ARL13B: variants seen among roughly 807,000 people sequenced by gnomAD.
ARL13B encodes ADP-ribosylation factor-like protein 13B.
Under a neutral mutation model 56.1 loss-of-function variants are expected in ARL13B, and 36 were observed. The ratio of observed to expected loss-of-function variants is 0.64; its 90% confidence interval spans 0.49 to 0.85. ARL13B has a LOEUF of 0.85. Among genes scored for constraint, ARL13B ranks in the 40% least tolerant of loss-of-function variants. The pLI is 0.00. For missense variants in ARL13B, 519 were observed against 507.1 expected (o/e 1.02, Z -0.23); for synonymous variants, 178 against 171.1 (o/e 1.04, Z -0.32).
intron 3 of ARL13B, among the ~76,000 whole-genome samples, chr3:94,006,671 A>C (rs62266153): frequency 0.012 from 1,881 of 152,328 alleles, 15 homozygotes; most frequent in Non-Finnish European, 0.022. Flanking sequence ...TGTTATGACC[A>C]GTGAAACAAT....
chr3:94,019,441 C>T (rs570841630), intron 3 of ARL13B, among the ~76,000 whole-genome samples: 1 of 152,162 alleles, frequency 6.6e-6, no homozygotes, highest in South Asian at 2.1e-4. Context: ...ATGATCCGCC[C>T]ATCTTGGCTT....
chr3:94,015,324 G>C, intron 3 of ARL13B: 2 of 1,452,842 alleles, frequency 1.4e-6, no homozygotes, highest in Non-Finnish European at 1.8e-6. Context: ...TAGAAATTTG[G>C]TATTTTTCCC....
At chr3:94,048,548 C>A (rs898127998) in intron 7 of ARL13B, among the ~76,000 whole-genome samples, 2 of 152,070 alleles carry the variant, frequency 1.3e-5, no homozygotes, top group African/African-American at 4.8e-5. Context: ...TTGTATTGGG[C>A]CTACCTTCTT....
At chr3:94,002,635 T>C (rs897475280) in intron 2 of ARL13B, among the ~76,000 whole-genome samples, 1 of 152,216 alleles carries the variant, frequency 6.6e-6, no homozygotes, top group Non-Finnish European at 1.5e-5. Flanking sequence ...AGTTCTCTTT[T>C]CTATTCCTTT....
At chr3:94,004,619 A>G (rs2076103710) in intron 3 of ARL13B, among the ~76,000 whole-genome samples, 1 of 151,318 alleles carries the variant, frequency 6.6e-6, no homozygotes, top group Non-Finnish European at 1.5e-5. Context: ...CTTGTGGTTC[A>G]TTATTAAGGA....
chr3:94,039,116 A>T (rs1320875000), intron 5 of ARL13B, among the ~76,000 whole-genome samples: 2 of 152,228 alleles, frequency 1.3e-5, no homozygotes, highest in African/African-American at 4.8e-5. Flanking sequence ...AAACATGTTT[A>T]TGCAGAAATA....
At chr3:94,029,440 C>T (rs1197599561) in intron 3 of ARL13B, among the ~76,000 whole-genome samples, 1 of 148,314 alleles carries the variant, frequency 6.7e-6, no homozygotes, top group African/African-American at 2.5e-5. Context: ...CTCCGTCTCC[C>T]GGGTTCAAGC....
rs759826893 is a variant in ARL13B, at chr3:93,980,387, G to A, written c.-37G>A. The A allele has an allele frequency of 6.2e-7, 1 of 1,609,562 alleles. No individual in the cohort carries two copies. The highest frequency in any genetic ancestry group is 8.5e-7 in the Non-Finnish European group (1 of 1,179,828). On this transcript the variant is annotated 5_prime_UTR_variant, in exon 1 of 10. Transcript: ENST00000394222. ...AGAGCGGGGTGCCGGTGTCCGCTCC[G>A]GGCTCGGATGGGAAGTGGTGGGAGG...
At chr3:94,046,493 G>A (rs1016246361) in intron 7 of ARL13B, among the ~76,000 whole-genome samples, 1 of 151,828 alleles carries the variant, frequency 6.6e-6, no homozygotes, top group Non-Finnish European at 1.5e-5. Flanking sequence ...CATCCATGTT[G>A]TAGCATGTAT....
At chr3:94,022,652 T>A (rs886214617) in intron 3 of ARL13B, among the ~76,000 whole-genome samples, 1 of 152,126 alleles carries the variant, frequency 6.6e-6, no homozygotes, top group African/African-American at 2.4e-5. Flanking sequence ...AATAATTTTT[T>A]AAATTATTTC....
At chr3:94,035,530 G>A (rs1356655520) in intron 4 of ARL13B, 94 bp downstream of exon 4, 3 of 836,864 alleles carry the variant, frequency 3.6e-6, no homozygotes, top group East Asian at 2.7e-5. Flanking sequence ...GCAATTAAAA[G>A]GCAATGTTTT....
At chr3:94,048,638 G>T (rs2107187902) in intron 7 of ARL13B, among the ~76,000 whole-genome samples, 1 of 151,734 alleles carries the variant, frequency 6.6e-6, no homozygotes, top group Non-Finnish European at 1.5e-5. Flanking sequence ...TGTCACCAAA[G>T]CTGGATGGCA....
chr3:94,038,382 A>G (rs1372401268), intron 5 of ARL13B, among the ~76,000 whole-genome samples: 1 of 151,720 alleles, frequency 6.6e-6, no homozygotes, highest in Non-Finnish European at 1.5e-5. Context: ...AAGGATATGT[A>G]TTTCCATCTA....
chr3:93,984,586 T>C (rs1369412730), intron 1 of ARL13B, among the ~76,000 whole-genome samples: 1 of 152,088 alleles, frequency 6.6e-6, no homozygotes, highest in Non-Finnish European at 1.5e-5. Context: ...TAACTTTCAT[T>C]AAAAACAAAT....
chr3:94,017,439 T>C (rs2107502019), intron 3 of ARL13B, among the ~76,000 whole-genome samples: 1 of 152,348 alleles, frequency 6.6e-6, no homozygotes, highest in East Asian at 1.9e-4. Context: ...CAAGATGTTC[T>C]GGAATGATGA....
intron 2 of ARL13B, among the ~76,000 whole-genome samples, chr3:94,003,366 A>G (rs2076084327): frequency 6.6e-6 from 1 of 152,190 alleles, no homozygotes; most frequent in South Asian, 2.1e-4. Context: ...TGGACAGTAA[A>G]TAGCCTTAAA....
At position 94,054,111 on chromosome 3, in the gene ARL13B, G is replaced by A. The variant is rs1457169494; in HGVS notation, c.*848G>A. The stretch of plus-strand genomic sequence containing the variant: ...ATTTTAAAGGTTAGACACTTTCAGA[G>A]ATCAAGGTGCTCCCTATACTCCCTT... On this transcript the variant is annotated 3_prime_UTR_variant, in exon 10 of 10. Transcript: ENST00000394222. 4 of 452,756 alleles carry A rather than the reference G, an allele frequency of 8.8e-6. No homozygotes were observed. Among genetic ancestry groups the A allele is most frequent in the Non-Finnish European group, 1.8e-5 (4 of 225,970 alleles). The allele number at this position is 452,756 out of a possible 1,614,324, so 28.0% of individuals were successfully genotyped here. A position where few individuals can be genotyped will look rare whatever the true frequency, so the allele number is the denominator to read the frequency against.
intron 7 of ARL13B, among the ~76,000 whole-genome samples, chr3:94,045,268 C>G (rs1237188797): frequency 1.3e-5 from 2 of 151,758 alleles, no homozygotes; most frequent in Non-Finnish European, 2.9e-5. Context: ...GAGTCGTCAC[C>G]ACTCCCTAGT....
intron 1 of ARL13B, among the ~76,000 whole-genome samples, 172 bp from the exon 2 acceptor site, chr3:93,995,702 A>G (rs901081480): frequency 6.6e-6 from 1 of 152,008 alleles, no homozygotes; most frequent in Non-Finnish European, 1.5e-5. Flanking sequence ...TTTTTCATGA[A>G]TTTGCTTTTG....
Sources: allele counts gnomAD v4.1 joint callset (sites outside exome capture counted in the v4.1 genomes callset), GRCh38; gene constraint gnomAD v4.1.1; transcripts MANE v1.5; gene names NCBI Gene and HGNC (gene_info 2026-07-23, HGNC 2026-07-21).